The following EPCAM variants were observed in gnomAD, a reference collection of about 807,000 sequenced individuals.
The protein encoded by EPCAM is adenocarcinoma-associated antigen.
In EPCAM, 39 loss-of-function variants were observed where a neutral mutation model predicts 40.0. The ratio of observed to expected loss-of-function variants is 0.98; its 90% CI spans 0.76 to 1.27. The LOEUF is 1.27. Among genes scored for constraint, EPCAM ranks in the 50% most tolerant of loss-of-function variants. The pLI, the probability that EPCAM is intolerant of heterozygous loss-of-function variation, is 0.00. For missense variants in EPCAM, 503 were observed against 381.2 expected, an observed-to-expected ratio of 1.32 and a Z score of -2.66; for synonymous variants, 168 against 132.3, an observed-to-expected ratio of 1.27 and a Z score of -1.85.
intron 5 of EPCAM, among the ~76,000 whole-genome samples, chr2:47,378,299 C>CTTTTTTTT (rs70940676): frequency 1.7e-5 from 2 of 118,684 alleles, no homozygotes; most frequent in Non-Finnish European, 1.7e-5. Flanking sequence ...TTTTTCTTTT[C>CTTTTTTTT]TTTTTTTTTT....
chr2:47,375,389 T>G (rs1433529084), intron 4 of EPCAM, 90 bp downstream of exon 4: 2 of 838,022 alleles, frequency 2.4e-6, no homozygotes, highest in African/African-American at 3.4e-5. Context: ...TCTAAATGCT[T>G]TTTTATATTT....
chr2:47,382,562 T>C (rs1671622421), intron 7 of EPCAM, among the ~76,000 whole-genome samples: 1 of 152,138 alleles, frequency 6.6e-6, no homozygotes, highest in Non-Finnish European at 1.5e-5. Context: ...GGTGCATGCC[T>C]GTCATTCTGG....
At position 47,373,965 on chromosome 2, in the gene EPCAM, C is replaced by T. The variant is rs200495968; in HGVS notation, c.342C>T (p.Ser114=). Residue 114 remains serine, a synonymous_variant, in exon 3 of 9, where the codon TCC becomes TCT. Coordinates refer to ENST00000263735, the MANE Select transcript of EPCAM (RefSeq NM_002354.3). ...AGGCCAAGCAGTGCAACGGCACCTC[C>T]ATGTGCTGGTGTGTGAACACTGCTG... The part of the protein sequence containing the change: ...LFKAKQCNGT[S]MCWCVNTAGV... 7.4e-5 allele frequency: 119 copies of T among 1,614,084 alleles called. No individual in the cohort carries two copies. The highest frequency in any genetic ancestry group is 6.6e-4 in the Middle Eastern group (4 of 6,062).
At chr2:47,373,159 T>G (rs1428106092) in intron 1 of EPCAM, among the ~76,000 whole-genome samples, 1 of 143,956 alleles carries the variant, frequency 6.9e-6, no homozygotes, top group Admixed American at 7.5e-5. Context: ...AAACCAAGAT[T>G]GTGCCACTGC....
chr2:47,370,304 C>T (rs1000598521), intron 1 of EPCAM, among the ~76,000 whole-genome samples: 2 of 152,212 alleles, frequency 1.3e-5, no homozygotes, highest in East Asian at 3.9e-4. Context: ...CTGAGTCTTG[C>T]TCTGTCGCCC....
intron 7 of EPCAM, among the ~76,000 whole-genome samples, chr2:47,381,431 CAG>C (rs955042594): frequency 6.8e-6 from 1 of 146,178 alleles, no homozygotes; most frequent in Non-Finnish European, 1.5e-5. Context: ...ACTAACACAA[CAG>C]AATTCAGAAA....
In EPCAM at chr2:47,369,444, G is replaced by A; in HGVS notation, c.-62G>A. Reference sequence around the variant, plus strand: ...GCCGGCTCCTCGTGTCCCACTCCCGGCGCACGCCCTCCCGCGAGTCCCGGG... The same window carrying A: ...GCCGGCTCCTCGTGTCCCACTCCCGACGCACGCCCTCCCGCGAGTCCCGGG... On this transcript the variant is annotated 5_prime_UTR_variant, in exon 1 of 9. Coordinates refer to ENST00000263735, the MANE Select transcript of EPCAM (RefSeq NM_002354.3). The A allele has an allele frequency of 5.1e-6, 7 of 1,361,456 alleles. No homozygotes were observed. Among genetic ancestry groups the A allele is most frequent in the Middle Eastern group, 2.6e-4 (1 of 3,774 alleles). 84.3% of individuals were successfully genotyped at this position (1,361,456 alleles called of 1,614,324 possible).
chr2:47,385,813 G>A (rs1416812565), intron 8 of EPCAM, among the ~76,000 whole-genome samples: 1 of 152,142 alleles, frequency 6.6e-6, no homozygotes, highest in Non-Finnish European at 1.5e-5. Context: ...AGGAATATTG[G>A]AAAAAGTCTA....
chr2:47,380,989 G>C (rs955181212), intron 7 of EPCAM, among the ~76,000 whole-genome samples: 1 of 149,106 alleles, frequency 6.7e-6, no homozygotes, highest in Non-Finnish European at 1.5e-5. Context: ...GGGAGGCTGA[G>C]GCAGGAGAAT....
intron 8 of EPCAM, 89 bp from the exon 9 acceptor site, chr2:47,386,483 A>T: frequency 1.0e-6 from 1 of 998,708 alleles, no homozygotes; most frequent in Non-Finnish European, 1.5e-6. Context: ...GTGTTCCTTT[A>T]ATTTCATTTT....
chr2:47,375,792 G>A (rs892417678), intron 4 of EPCAM, among the ~76,000 whole-genome samples: 45 of 150,962 alleles, frequency 3.0e-4, no homozygotes, highest in African/African-American at 1.0e-3. Context: ...TGCAACCTGC[G>A]CCTGCCGGTT....
intron 4 of EPCAM, among the ~76,000 whole-genome samples, chr2:47,376,016 G>T (rs535090924): frequency 6.6e-6 from 1 of 151,866 alleles, no homozygotes; most frequent in African/African-American, 2.4e-5. Flanking sequence ...GAAATTTAAC[G>T]TTATATCACG....
chr2:47,370,760 C>T (rs970433834), intron 1 of EPCAM, among the ~76,000 whole-genome samples: 4 of 151,164 alleles, frequency 2.6e-5, no homozygotes, highest in South Asian at 2.1e-4. Flanking sequence ...GACAGAGTTT[C>T]GCTCTTGTTG....
At chr2:47,382,158 A>T (rs1671610769) in intron 7 of EPCAM, among the ~76,000 whole-genome samples, 1 of 152,206 alleles carries the variant, frequency 6.6e-6, no homozygotes, top group Non-Finnish European at 1.5e-5. Context: ...CATGAAAAAA[A>T]TATGGCGCAT....
intron 7 of EPCAM, among the ~76,000 whole-genome samples, chr2:47,380,947 T>G (rs1380987177): frequency 6.6e-6 from 1 of 150,750 alleles, no homozygotes; most frequent in Admixed American, 6.6e-5. Context: ...AAAAATTAGC[T>G]GGGCGTGGTG....
At position 47,381,387 on chromosome 2, in the gene EPCAM, C is replaced by G. The variant is rs867474338; in HGVS notation, c.858+1418C>G. On this transcript the variant is annotated intron_variant, in intron 7 of 8. Coordinates refer to ENST00000263735, the MANE Select transcript of EPCAM (RefSeq NM_002354.3). The stretch of plus-strand genomic sequence containing the variant: ...AGCCTGAGCAACAAGAGTGAAACTC[C>G]GTCTCAAAAAAAAAAAAAAAAAAAA... Among the ~76,000 whole-genome samples, 4 of 114,338 alleles carry G rather than the reference C, an allele frequency of 3.5e-5. No individual in the cohort carries two copies. In the East Asian group the frequency reaches 1.2e-3, roughly 35 times the overall value. 75.0% of individuals were successfully genotyped at this position (114,338 alleles called of 152,430 possible).
chr2:47,371,336 C>G (rs571980867), intron 1 of EPCAM, among the ~76,000 whole-genome samples: 1 of 151,528 alleles, frequency 6.6e-6, no homozygotes, highest in African/African-American at 2.4e-5. Context: ...TTACATGTCA[C>G]TGCGTCCTCC....
chr2:47,372,935 G>T (rs953327880), intron 1 of EPCAM, among the ~76,000 whole-genome samples: 19 of 152,060 alleles, frequency 1.2e-4, no homozygotes, highest in East Asian at 9.6e-4. Flanking sequence ...GCCAGGCACA[G>T]TGGCTCATGC....
chr2:47,369,681 C>A, intron 1 of EPCAM, 100 bp downstream of exon 1: 1 of 1,198,624 alleles, frequency 8.3e-7, no homozygotes, highest in Non-Finnish European at 1.2e-6. Context: ...GGGAGGGGAC[C>A]AAGAGGCCGC....
Sources: allele counts gnomAD v4.1 joint callset (sites outside exome capture counted in the v4.1 genomes callset), GRCh38; gene constraint gnomAD v4.1.1; transcripts MANE v1.5; gene names NCBI Gene and HGNC (gene_info 2026-07-23, HGNC 2026-07-21).